The following SPHKAP variants were observed in gnomAD, a reference collection of about 807,000 sequenced individuals.
The protein encoded by SPHKAP is A-kinase anchor protein SPHKAP.
Under a neutral mutation model 137.5 loss-of-function variants are expected in SPHKAP, and 67 were observed. That is an observed-to-expected ratio of 0.49 (90% CI 0.40 to 0.60). SPHKAP has a LOEUF of 0.60. Ranked by LOEUF, SPHKAP falls within the 20% of genes least tolerant of loss-of-function variation. SPHKAP has a pLI of 0.00. For synonymous variants in SPHKAP, 813 were observed against 785.3 expected, an observed-to-expected ratio of 1.04 and a Z score of -0.59; for missense variants, 2,097 against 2,069.3, an observed-to-expected ratio of 1.01 and a Z score of -0.26.
chr2:228,046,675 A>C (rs1696069782), intron 3 of SPHKAP, among the ~76,000 whole-genome samples: 1 of 152,194 alleles, frequency 6.6e-6, no homozygotes. Flanking sequence ...ATCTGGCTTT[A>C]GTATATTCAG....
chr2:228,162,956 C>A (rs1171745618), intron 1 of SPHKAP, among the ~76,000 whole-genome samples: 3 of 152,168 alleles, frequency 2.0e-5, no homozygotes, highest in African/African-American at 7.2e-5. Flanking sequence ...AGCTCGGCCT[C>A]CCAAAGTGCT....
chr2:228,162,264 C>G (rs1480534783), intron 1 of SPHKAP, among the ~76,000 whole-genome samples: 2 of 152,174 alleles, frequency 1.3e-5, no homozygotes, highest in African/African-American at 4.8e-5. Context: ...TCAGATGCTT[C>G]CTGCCTTTTT....
chr2:227,984,712 T>C (rs1693149105), intron 11 of SPHKAP, among the ~76,000 whole-genome samples: 4 of 152,202 alleles, frequency 2.6e-5, no homozygotes. Flanking sequence ...CAGCTCTTAC[T>C]GGAAATCTAG....
intron 1 of SPHKAP, among the ~76,000 whole-genome samples, chr2:228,147,561 G>C (rs1053006477): frequency 1.3e-5 from 2 of 152,176 alleles, no homozygotes; most frequent in Non-Finnish European, 2.9e-5. Flanking sequence ...CTACTATGCA[G>C]AAGTCAGAAG....
In SPHKAP at chr2:228,018,140, C is replaced by T; in HGVS notation, c.2714G>A (p.Gly905Glu). 6.2e-7 allele frequency: 1 copy of T among 1,614,132 alleles called. No individual in the cohort carries two copies. The highest frequency in any genetic ancestry group is 8.5e-7 in the Non-Finnish European group (1 of 1,180,014). The change falls in exon 7 of 12, where the codon GGG becomes GAG. Residue 905 changes from glycine to glutamate, a missense_variant. Transcript: ENST00000392056. ...NEVQVNLSLLGDDLLLPAQST... is the reference protein window; with the variant it reads ...NEVQVNLSLLEDDLLLPAQST... ...TTGAGCAGGAAGCAGCAGGTCATCC[C>T]CTAACAAGGACAGGTTGACTTGAAC...
chr2:228,114,736 C>T (rs1472848203), intron 2 of SPHKAP, among the ~76,000 whole-genome samples: 2 of 152,102 alleles, frequency 1.3e-5, no homozygotes, highest in Non-Finnish European at 2.9e-5. Context: ...GACAATTCCT[C>T]TTCTTTTATT....
intron 3 of SPHKAP, among the ~76,000 whole-genome samples, chr2:228,030,606 C>T (rs1695270943): frequency 6.8e-6 from 1 of 146,228 alleles, no homozygotes; most frequent in South Asian, 2.2e-4. Flanking sequence ...ATATTTACTT[C>T]TTTAGAAGGA....
chr2:228,176,785 C>T lies in SPHKAP; in HGVS notation c.32+4782G>A, dbSNP rs35467110. Among the ~76,000 whole-genome samples, 939 of 152,296 alleles carry T rather than the reference C, an allele frequency of 6.2e-3. 6 individuals are homozygous for T. Among genetic ancestry groups the T allele is most frequent in the Non-Finnish European group, 6.9e-3 (469 of 68,026 alleles). ...ACTTGGGAGGCTGAGGCGGGAGAAT[C>T]GCTCAAATCCCGGAGGGAGGTGGAG... is the stretch of plus-strand genomic sequence containing the variant. On this transcript the variant is annotated intron_variant, in intron 1 of 11. Coordinates refer to ENST00000392056, the MANE Select transcript of SPHKAP (RefSeq NM_001142644.2).
At chr2:228,167,617 C>T (rs12611925) in intron 1 of SPHKAP, among the ~76,000 whole-genome samples, 20,498 of 151,976 alleles carry the variant, frequency 0.13, 1,390 homozygotes, top group East Asian at 0.2. Flanking sequence ...TTCTTTAATG[C>T]ATTTTTCTAT....
rs188525707 is a variant in SPHKAP at position 228,086,858 on chromosome 2, T to C, written c.246+21974A>G. On this transcript the variant is annotated intron_variant, in intron 3 of 11. Coordinates refer to ENST00000392056, the MANE Select transcript of SPHKAP (RefSeq NM_001142644.2). The stretch of plus-strand genomic sequence containing the variant: ...TAATTAAGAGCAGCAAATTAAGCCA[T>C]TGGCCAGCTAGTGCCCTAAAGAGAA... Among the ~76,000 whole-genome samples, 18 of 152,306 alleles carry C rather than the reference T, an allele frequency of 1.2e-4. No individual in the cohort carries two copies. In the East Asian group the frequency reaches 2.9e-3, roughly 24 times the overall value.
chr2:227,998,341 C>T (rs1014093709), intron 7 of SPHKAP, among the ~76,000 whole-genome samples: 5 of 152,090 alleles, frequency 3.3e-5, no homozygotes, highest in Admixed American at 1.3e-4. Flanking sequence ...GGTATGAGTG[C>T]CCTTTGCTCA....
Position 228,020,144 on chromosome 2 carries a change from A to T in SPHKAP, c.710T>A (p.Ile237Lys). 1 of 1,599,258 alleles carries T rather than the reference A, an allele frequency of 6.3e-7. No homozygotes were observed. Among genetic ancestry groups the T allele is most frequent in the Non-Finnish European group, 8.5e-7 (1 of 1,174,948 alleles). Residue 237 changes from isoleucine (I) to lysine (K), a missense_variant, in exon 7 of 12, where the codon ATA (isoleucine) becomes AAA (lysine). Coordinates refer to ENST00000392056, the MANE Select transcript of SPHKAP (RefSeq NM_001142644.2). The stretch of plus-strand genomic sequence containing the variant: ...TTCCAAAACATTGGCTGAGACATTT[A>T]TATTTTCATAATCTAGTGAGGAGAA... The part of the protein sequence containing the change: ...VDESRNDYEN[I>K]NVSANVLESK...
intron 1 of SPHKAP, among the ~76,000 whole-genome samples, chr2:228,171,184 A>G (rs191091306): frequency 6.6e-6 from 1 of 152,094 alleles, no homozygotes; most frequent in Admixed American, 6.5e-5. Context: ...TGTTTTGGAG[A>G]TTTATTATTA....
intron 1 of SPHKAP, among the ~76,000 whole-genome samples, chr2:228,167,037 G>T (rs561141657): frequency 6.6e-6 from 1 of 152,156 alleles, no homozygotes; most frequent in African/African-American, 2.4e-5. Flanking sequence ...CCAAGAGGAT[G>T]GTGCTAAACC....
chr2:228,032,324 A>C (rs564356396), intron 3 of SPHKAP, among the ~76,000 whole-genome samples: 1 of 152,106 alleles, frequency 6.6e-6, no homozygotes, highest in African/African-American at 2.4e-5. Context: ...AGAAGGGAAG[A>C]TTAGAGAAAA....
At chr2:228,137,427 T>A (rs936732890) in intron 1 of SPHKAP, among the ~76,000 whole-genome samples, 1 of 152,226 alleles carries the variant, frequency 6.6e-6, no homozygotes, top group African/African-American at 2.4e-5. Context: ...TCTGAGAAGA[T>A]AATTTAAAGA....
intron 3 of SPHKAP, among the ~76,000 whole-genome samples, chr2:228,047,923 A>C (rs1400328144): frequency 6.6e-6 from 1 of 152,202 alleles, no homozygotes. Flanking sequence ...GTTTTGAATG[A>C]GTTAATCTAG....
chr2:228,155,320 G>A (rs376946778), intron 1 of SPHKAP, among the ~76,000 whole-genome samples: 42 of 151,848 alleles, frequency 2.8e-4, no homozygotes, highest in African/African-American at 9.9e-4. Context: ...TAAAATAATT[G>A]AAATGGAGAT....
At position 228,073,898 on chromosome 2, in the gene SPHKAP, C is replaced by A. The variant is rs545905867; in HGVS notation, c.246+34934G>T. ...AAGCATAAAATCAGTAATTTTGGAT[C>A]TAATTGTGTCACAGTGTCATGGGGA... On this transcript the variant is annotated intron_variant, in intron 3 of 11. Coordinates refer to ENST00000392056, the MANE Select transcript of SPHKAP (RefSeq NM_001142644.2). 3.9e-5 allele frequency among the ~76,000 whole-genome samples: 6 copies of A among 152,208 alleles called. No individual in the cohort carries two copies. In the South Asian group the frequency reaches 1.2e-3, roughly 32 times the overall value.
Sources: allele counts gnomAD v4.1 joint callset (sites outside exome capture counted in the v4.1 genomes callset), GRCh38; gene constraint gnomAD v4.1.1; transcripts MANE v1.5; gene names NCBI Gene and HGNC (gene_info 2026-07-23, HGNC 2026-07-21).